MSH3: variants seen among roughly 807,000 people sequenced by gnomAD.
The protein encoded by MSH3 is mutS homolog 3.
A neutral mutation model predicts 123.3 loss-of-function variants in MSH3; 106 were observed. That is an observed-to-expected ratio of 0.86 (90% CI 0.73 to 1.01). The LOEUF is 1.01. Ranked by LOEUF, MSH3 falls within the 50% of genes least tolerant of loss-of-function variation. MSH3 has a pLI of 0.00. For synonymous variants in MSH3, 515 were observed against 481.4 expected (o/e 1.07, Z -0.91); for missense variants, 1,459 against 1,347.6 (o/e 1.08, Z -1.29).
chr5:80,822,112 A>G (rs948959985), intron 20 of MSH3, among the ~76,000 whole-genome samples: 1 of 152,218 alleles, frequency 6.6e-6, no homozygotes, highest in African/African-American at 2.4e-5. Flanking sequence ...ATGGGAAAGA[A>G]TAGGGGCTTT....
At chr5:80,833,662 C>T (rs936519424) in intron 20 of MSH3, among the ~76,000 whole-genome samples, 3 of 152,120 alleles carry the variant, frequency 2.0e-5, no homozygotes, top group Admixed American at 1.3e-4. Flanking sequence ...AGGATGGTCT[C>T]GATCACTTGA....
At chr5:80,808,882 T>TATATAC (rs1744953872) in intron 19 of MSH3, among the ~76,000 whole-genome samples, 1 of 136,050 alleles carries the variant, frequency 7.4e-6, no homozygotes, top group African/African-American at 2.7e-5. Context: ...TATATATATA[T>TATATAC]ACACAATCTA....
At chr5:80,854,840 T>C (rs1270925270) in intron 21 of MSH3, among the ~76,000 whole-genome samples, 1 of 152,202 alleles carries the variant, frequency 6.6e-6, no homozygotes, top group African/African-American at 2.4e-5. Flanking sequence ...CTCAGAATTA[T>C]ATCTTATTAT....
At chr5:80,703,550 C>T (rs774419043) in intron 8 of MSH3, among the ~76,000 whole-genome samples, 5 of 152,056 alleles carry the variant, frequency 3.3e-5, no homozygotes, top group Admixed American at 6.6e-5. Context: ...TCCTGTCACA[C>T]TCTGTCATTT....
At chr5:80,824,448 C>T (rs1745259278) in intron 20 of MSH3, among the ~76,000 whole-genome samples, 2 of 152,056 alleles carry the variant, frequency 1.3e-5, no homozygotes, top group Admixed American at 1.3e-4. Context: ...GGGCTGCCCC[C>T]CACCTCCCTC....
chr5:80,839,527 CTG>C (rs1247887841), intron 20 of MSH3, among the ~76,000 whole-genome samples: 2 of 152,194 alleles, frequency 1.3e-5, no homozygotes, highest in East Asian at 3.9e-4. Context: ...ACAATATTTC[CTG>C]TGTATTTTAA....
chr5:80,830,435 AGG>A, intron 20 of MSH3, among the ~76,000 whole-genome samples: 1 of 152,206 alleles, frequency 6.6e-6, no homozygotes, highest in South Asian at 2.1e-4. Flanking sequence ...GTTTTGCATG[AGG>A]TTATAATGTG....
At chr5:80,829,499 G>A (rs1029044712) in intron 20 of MSH3, among the ~76,000 whole-genome samples, 5 of 152,126 alleles carry the variant, frequency 3.3e-5, no homozygotes, top group African/African-American at 4.8e-5. Flanking sequence ...ATGATCATGT[G>A]ATTTTTCTTC....
intron 20 of MSH3, among the ~76,000 whole-genome samples, chr5:80,825,722 A>T (rs1322708115): frequency 6.6e-6 from 1 of 152,230 alleles, no homozygotes. Context: ...AATAGATTAG[A>T]ATAAGAAATG....
chr5:80,695,087 G>GTTTTTTTTTTTTTTTTTTTTT (rs57947652), intron 8 of MSH3, among the ~76,000 whole-genome samples: 1 of 115,312 alleles, frequency 8.7e-6, no homozygotes, highest in Non-Finnish European at 1.9e-5. Context: ...TTTTTTTGTT[G>GTTTTTTTTTTTTTTTTTTTTT]TTTTTTTTTT....
At chr5:80,664,754 TACTG>T (rs1402445052) in intron 2 of MSH3, among the ~76,000 whole-genome samples, 1 of 152,200 alleles carries the variant, frequency 6.6e-6, no homozygotes, top group Non-Finnish European at 1.5e-5. Flanking sequence ...TTTTCCTAAT[TACTG>T]ACTTAGTATT....
chr5:80,735,121 T>A (rs965204758), intron 10 of MSH3, among the ~76,000 whole-genome samples: 1 of 152,136 alleles, frequency 6.6e-6, no homozygotes, highest in African/African-American at 2.4e-5. Context: ...TGGTGGCTTA[T>A]GCCTGTAATC....
chr5:80,758,222 A>C (rs1743962667), intron 12 of MSH3, among the ~76,000 whole-genome samples: 1 of 152,124 alleles, frequency 6.6e-6, no homozygotes, highest in African/African-American at 2.4e-5. Context: ...CTATGCCCTA[A>C]GGTTTGTCCA....
At chr5:80,747,374 A>G (rs1743741373) in intron 12 of MSH3, among the ~76,000 whole-genome samples, 1 of 152,064 alleles carries the variant, frequency 6.6e-6, no homozygotes, top group Non-Finnish European at 1.5e-5. Flanking sequence ...TGGGGATCCT[A>G]CCTTCCCAGA....
chr5:80,697,168 A>G (rs1750501489), intron 8 of MSH3, among the ~76,000 whole-genome samples: 1 of 152,182 alleles, frequency 6.6e-6, no homozygotes. Context: ...ACAGAAAAGC[A>G]TCAAAGTTAA....
chr5:80,763,044 A>G (rs1326579643), intron 13 of MSH3, among the ~76,000 whole-genome samples: 1 of 151,942 alleles, frequency 6.6e-6, no homozygotes, highest in African/African-American at 2.4e-5. Flanking sequence ...ATGGGGTTTC[A>G]CCACATTGGC....
intron 8 of MSH3, among the ~76,000 whole-genome samples, chr5:80,700,357 G>C (rs1308227636): frequency 6.6e-6 from 1 of 152,158 alleles, no homozygotes; most frequent in Admixed American, 6.5e-5. Context: ...CTCCAGTCTG[G>C]GCGACAGAAC....
chr5:80,775,792 A>G lies in MSH3; in HGVS notation c.2318+34A>G, dbSNP rs749974140. On this transcript the variant is annotated intron_variant, in intron 16 of 23. Coordinates refer to ENST00000265081, the MANE Select transcript of MSH3 (RefSeq NM_002439.5). ...AAAATAAATTTTTTTCTTACAATGC[A>G]TTATGATGACATCTGTATATCTATG... The G allele has an allele frequency of 1.4e-5, 16 of 1,179,346 alleles. No individual in the cohort carries two copies. The South Asian group carries it at 1.6e-4, about 12-fold the overall frequency. The allele number at this position is 1,179,346 out of a possible 1,614,324, so 73.1% of individuals were successfully genotyped here. A position where few individuals can be genotyped will look rare whatever the true frequency, so the allele number is the denominator to read the frequency against.
chr5:80,682,402 A>T (rs1305177725), intron 8 of MSH3, among the ~76,000 whole-genome samples: 2 of 151,960 alleles, frequency 1.3e-5, no homozygotes, highest in African/African-American at 4.8e-5. Flanking sequence ...CTGTAAGAGG[A>T]AGTTTTTTTT....
Sources: gnomAD v4.1 joint callset for allele counts (sites outside exome capture counted in the v4.1 genomes callset) on GRCh38, gnomAD v4.1.1 for gene constraint, MANE v1.5 for transcripts, NCBI Gene and HGNC (gene_info 2026-07-23, HGNC 2026-07-21) for gene names.